Variants in ARMC10 observed in about 807,000 individuals in gnomAD.
ARMC10 encodes armadillo repeat containing 10, also known as armadillo repeat-containing protein 10.
ARMC10 carries 23 observed loss-of-function variants against 30.2 expected under a neutral mutation model. The observed-to-expected ratio is 0.76, with a 90% CI of 0.55 to 1.08. The LOEUF is 1.08. Ranked by LOEUF, ARMC10 falls within the 50% of genes least tolerant of loss-of-function variation. The probability of loss-of-function intolerance (pLI) is 0.00; values close to 1 mark genes in which losing one functional copy is unlikely to be tolerated. For synonymous variants in ARMC10, 111 were observed against 164.4 expected (o/e 0.68, Z 2.48); for missense variants, 303 against 413.7 (o/e 0.73, Z 2.32).
chr7:103,093,338 G>A (rs931725836), intron 5 of ARMC10, among the ~76,000 whole-genome samples: 9 of 152,162 alleles, frequency 5.9e-5, no homozygotes, highest in South Asian at 4.1e-4. Context: ...AGAGACAAAT[G>A]CATAAGCATT....
intron 3 of ARMC10, 62 bp from the exon 4 acceptor site, chr7:103,086,568 C>G: frequency 6.7e-7 from 1 of 1,497,204 alleles, no homozygotes; most frequent in South Asian, 1.3e-5. Flanking sequence ...GCAAAGAATT[C>G]AGTGAACGGA....
At chr7:103,090,982 A>AT (rs60318301) in intron 4 of ARMC10, among the ~76,000 whole-genome samples, 133,166 of 152,024 alleles carry the variant, frequency 0.88, 61,017 homozygotes, top group East Asian at 1. Context: ...TACATTTGGG[A>AT]TTTTTTTTAA....
rs1799604827 is a variant in ARMC10, at chr7:103,075,356, CCGGGGTCGGCGGCGGGGCGACCG to C, written c.87_109del (p.Gly30AlafsTer45). ...CCTGCTACTGCATTTACAGGCTGAC[CCGGGGTCGGCGGCGGGGCGACCG>C]CGAGCTCGGGATACGCTCTTCGAAG... On this transcript the variant is annotated frameshift_variant, in exon 1 of 7. Transcript: ENST00000323716. LOFTEE classifies it high-confidence loss of function. 1.6e-6 allele frequency: 2 copies of C among 1,273,738 alleles called. No homozygotes were observed. The highest frequency in any genetic ancestry group is 2.0e-6 in the Non-Finnish European group (2 of 1,008,860). 78.9% of individuals were successfully genotyped at this position (1,273,738 alleles called of 1,614,324 possible). A position where few individuals can be genotyped will look rare whatever the true frequency, so the allele number is the denominator to read the frequency against.
At chr7:103,087,862 T>C in intron 4 of ARMC10, 1 of 794,822 alleles carries the variant, frequency 1.3e-6, no homozygotes. Context: ...TTCTACAGAA[T>C]TACAGATTAC....
chr7:103,086,550 T>G (rs1210698522), intron 3 of ARMC10, 80 bp from the exon 4 acceptor site: 2 of 1,421,410 alleles, frequency 1.4e-6, no homozygotes, highest in African/African-American at 1.5e-5. Flanking sequence ...TTAATTGTAT[T>G]TGTGGATGCA....
Position 103,086,692 on chromosome 7 carries a change from G to A in ARMC10, c.456G>A (p.Gln152=), listed in dbSNP as rs751966274. The A allele has an allele frequency of 6.9e-6, 11 of 1,594,572 alleles. No homozygotes were observed. The African/African-American group carries it at 1.5e-4, about 22-fold the overall frequency. The part of the protein sequence containing the change: ...IVANKINHSN[Q]SIKEKALNAL... Reference sequence around the variant, plus strand: ...CAAACAAAATCAACCATTCCAACCAGAGTATTAAAGAGAAAGCTTTAAATG... The same window carrying A: ...CAAACAAAATCAACCATTCCAACCAAAGTATTAAAGAGAAAGCTTTAAATG... Residue 152 remains glutamine, a synonymous_variant, in exon 4 of 7, where the codon CAG becomes CAA. Transcript: ENST00000323716.
At position 103,075,156 on chromosome 7, in the gene ARMC10, TC is replaced by T; in HGVS notation, c.-115del. On this transcript the variant is annotated 5_prime_UTR_variant, in exon 1 of 7. Transcript: ENST00000323716. ...TCAGACCCCATTTCCTTTCTCCACA[TC>T]CAGGTCAGGTGGCGTTTGCTGTGGC... 1.4e-6 allele frequency: 1 copy of T among 706,846 alleles called. No individual in the cohort carries two copies. The highest frequency in any genetic ancestry group is 1.8e-6 in the Non-Finnish European group (1 of 549,338). 43.8% of individuals were successfully genotyped at this position (706,846 alleles called of 1,614,324 possible).
intron 3 of ARMC10, 62 bp downstream of exon 3, chr7:103,083,892 C>A: frequency 1.3e-6 from 2 of 1,575,740 alleles, no homozygotes; most frequent in Non-Finnish European, 1.7e-6. Flanking sequence ...GTAATTGTGA[C>A]CCTGAATAAA....
At chr7:103,097,184 C>A in intron 5 of ARMC10, 93 bp from the exon 6 acceptor site, 1 of 1,078,606 alleles carries the variant, frequency 9.3e-7, no homozygotes, top group Non-Finnish European at 1.4e-6. Flanking sequence ...TTAGGCAGGA[C>A]TTTAACAGGA....
chr7:103,075,601 G>T (rs940466612), intron 1 of ARMC10, among the ~76,000 whole-genome samples, 176 bp from the exon 2 acceptor site: 1 of 152,260 alleles, frequency 6.6e-6, no homozygotes, highest in African/African-American at 2.4e-5. Flanking sequence ...ATGAAAACTT[G>T]CCCTGGCTTT....
intron 4 of ARMC10, among the ~76,000 whole-genome samples, chr7:103,091,329 C>G (rs994118135): frequency 6.6e-6 from 1 of 151,760 alleles, no homozygotes; most frequent in Non-Finnish European, 1.5e-5. Flanking sequence ...AGACCTTGTC[C>G]CCCCGGAAAA....
chr7:103,083,615 G>C, intron 2 of ARMC10, 67 bp from the exon 3 acceptor site: 1 of 1,406,362 alleles, frequency 7.1e-7, no homozygotes. Context: ...GACAGAGTGA[G>C]AGCCTGTTTC....
intron 2 of ARMC10, among the ~76,000 whole-genome samples, chr7:103,078,233 A>C (rs890225197): frequency 2.5e-4 from 38 of 152,146 alleles, no homozygotes; most frequent in Non-Finnish European, 4.6e-4. Flanking sequence ...TTAGCCTCCC[A>C]AAGTGCTGGA....
intron 5 of ARMC10, among the ~76,000 whole-genome samples, chr7:103,095,110 CT>C (rs1253918035): frequency 1.3e-5 from 2 of 152,174 alleles, no homozygotes; most frequent in Non-Finnish European, 2.9e-5. Context: ...ACTTTTCTTT[CT>C]CTTTTTTGAC....
intron 4 of ARMC10, among the ~76,000 whole-genome samples, chr7:103,090,981 G>A (rs1801264885): frequency 3.4e-5 from 1 of 29,590 alleles, no homozygotes; most frequent in Admixed American, 6.5e-4. Flanking sequence ...ATACATTTGG[G>A]ATTTTTTTTA....
At chr7:103,094,910 C>T (rs553093629) in intron 5 of ARMC10, among the ~76,000 whole-genome samples, 1 of 152,246 alleles carries the variant, frequency 6.6e-6, no homozygotes, top group Admixed American at 6.5e-5. Context: ...ACCTTGTTCT[C>T]TTTTGCATTA....
At chr7:103,096,905 T>A (rs1022023961) in intron 5 of ARMC10, 1 of 231,184 alleles carries the variant, frequency 4.3e-6, no homozygotes, top group African/African-American at 2.2e-5. Flanking sequence ...CCTGACATTA[T>A]AATTGGGAAA....
intron 2 of ARMC10, among the ~76,000 whole-genome samples, chr7:103,079,112 C>G (rs1372109535): frequency 6.6e-6 from 1 of 152,158 alleles, no homozygotes; most frequent in Admixed American, 6.5e-5. Context: ...CATAACCTGA[C>G]AAGGATGGTA....
intron 5 of ARMC10, among the ~76,000 whole-genome samples, chr7:103,095,065 A>T (rs1295483040): frequency 1.3e-5 from 2 of 152,230 alleles, no homozygotes; most frequent in Non-Finnish European, 2.9e-5. Flanking sequence ...ACTATACAGG[A>T]TATTTGCATA....
Sources: allele counts gnomAD v4.1 joint callset (sites outside exome capture counted in the v4.1 genomes callset), GRCh38; gene constraint gnomAD v4.1.1; transcripts MANE v1.5; gene names NCBI Gene and HGNC (gene_info 2026-07-23, HGNC 2026-07-21).